ABHD2: variants seen among roughly 807,000 people sequenced by gnomAD.
ABHD2 encodes abhydrolase domain containing 2, acylglycerol lipase.
In ABHD2, 20 loss-of-function variants were observed where a neutral mutation model predicts 48.1. The ratio of observed to expected loss-of-function variants is 0.42; its 90% CI spans 0.29 to 0.60. The LOEUF is 0.60. ABHD2 is among the 20% of genes least tolerant of loss of function. The pLI is 0.24. For missense variants in ABHD2, 405 were observed against 550.9 expected (o/e 0.74, Z 2.65); for synonymous variants, 209 against 214.2 (o/e 0.98, Z 0.21).
Position 89,097,708 on chromosome 15 carries a change from C to G in ABHD2, c.-107+9145C>G, listed in dbSNP as rs574568208. 1.3e-5 allele frequency among the ~76,000 whole-genome samples: 2 copies of G among 152,264 alleles called. No individual in the cohort carries two copies. The highest frequency in any genetic ancestry group is 3.9e-4 in the East Asian group (2 of 5,188). ...TAGTAAAGAGTGGAAAACTTCCTCCCAAGAAGCACTCAATGTTACTAGTAT... is the reference window on the plus strand; with the variant it reads ...TAGTAAAGAGTGGAAAACTTCCTCCGAAGAAGCACTCAATGTTACTAGTAT... On this transcript the variant is annotated intron_variant, in intron 1 of 10. Coordinates refer to ENST00000352732, the MANE Select transcript of ABHD2 (RefSeq NM_152924.5). This position sits in a 1 kb window ranked among gnomAD's most constrained non-coding sequence, Gnocchi z 4.2.
rs2049779330 is a variant in ABHD2 at position 89,106,048 on chromosome 15, T to C, written c.-106-7677T>C. On this transcript the variant is annotated intron_variant, in intron 1 of 10. Coordinates refer to ENST00000352732, the MANE Select transcript of ABHD2 (RefSeq NM_152924.5). This position sits in a 1 kb window ranked among gnomAD's most constrained non-coding sequence, Gnocchi z 4.2. ...CAGAGTATTGGCCAGGTGCAGTAGC[T>C]CACGCCTGTAATTCCAGCACTTTGG... is the stretch of plus-strand genomic sequence containing the variant. Among the ~76,000 whole-genome samples the C allele has an allele frequency of 6.6e-6, 1 of 152,120 alleles. No individual in the cohort carries two copies. Among genetic ancestry groups the C allele is most frequent in the African/African-American group, 2.4e-5 (1 of 41,430 alleles).
At position 89,173,741 on chromosome 15, in the gene ABHD2, A is replaced by G. The variant is rs58621653; in HGVS notation, c.539-2071A>G. Among the ~76,000 whole-genome samples, 514 of 152,216 alleles carry G rather than the reference A, an allele frequency of 3.4e-3. 2 individuals are homozygous for G. Among genetic ancestry groups the G allele is most frequent in the African/African-American group, 0.011 (475 of 41,542 alleles). On this transcript the variant is annotated intron_variant, in intron 5 of 10. Coordinates refer to ENST00000352732, the MANE Select transcript of ABHD2 (RefSeq NM_152924.5). The surrounding 1 kb of genome is among the most constrained non-coding windows in gnomAD (Gnocchi z 6.5). The stretch of plus-strand genomic sequence containing the variant: ...AGGCCTTGTCATCAGAATCCACTCA[A>G]TTCAGCAACTCTTTATTGAAGGCCT...
At chr15:89,064,332 G>T in the ABHD2 span, among the ~76,000 whole-genome samples, 2 of 149,514 alleles carry the variant, frequency 1.3e-5, no homozygotes, top group Non-Finnish European at 3.0e-5. Context: ...CGATTCTCCT[G>T]CCTCAGCCTC....
rs115638294 is a variant in ABHD2, at chr15:89,160,204, G to A, written c.538+4670G>A. Among the ~76,000 whole-genome samples the A allele has an allele frequency of 4.3e-3, 662 of 152,334 alleles. 5 individuals carry two copies. The highest frequency in any genetic ancestry group is 0.015 in the African/African-American group (624 of 41,584). ...ACCAAAGGTGGCCTAACACGTTAGA[G>A]CAAAGCCCGTGTTTGTTACTTTTGA... On this transcript the variant is annotated intron_variant, in intron 5 of 10. Transcript: ENST00000352732.
chr15:89,127,211 C>T (rs1328222216), intron 3 of ABHD2, among the ~76,000 whole-genome samples: 1 of 152,144 alleles, frequency 6.6e-6, no homozygotes, highest in Admixed American at 6.5e-5. Context: ...TTGTGAACCA[C>T]CCTAACTCTA....
chr15:89,173,611 C>G lies in ABHD2; in HGVS notation c.539-2201C>G, dbSNP rs2050963729. Among the ~76,000 whole-genome samples, 1 of 152,190 alleles carries G rather than the reference C, an allele frequency of 6.6e-6. No individual in the cohort carries two copies. Among genetic ancestry groups the G allele is most frequent in the African/African-American group, 2.4e-5 (1 of 41,452 alleles). Reference sequence around the variant, plus strand: ...CAAAAAGAAACTTGAATGAATCTGACTTCGGTGGGGACAACAGTCTGGCAT... The same window carrying G: ...CAAAAAGAAACTTGAATGAATCTGAGTTCGGTGGGGACAACAGTCTGGCAT... On this transcript the variant is annotated intron_variant, in intron 5 of 10. Transcript: ENST00000352732. This position sits in a 1 kb window ranked among gnomAD's most constrained non-coding sequence, Gnocchi z 6.5.
chr15:89,123,522 TAA>T (rs1439758585), intron 3 of ABHD2, among the ~76,000 whole-genome samples: 1 of 152,076 alleles, frequency 6.6e-6, no homozygotes, highest in Non-Finnish European at 1.5e-5. Flanking sequence ...AGGCACTTTT[TAA>T]AAATCAGTTT....
chr15:89,146,347 A>T lies in ABHD2; in HGVS notation c.195-5330A>T, dbSNP rs1168677880. Among the ~76,000 whole-genome samples the T allele has an allele frequency of 1.6e-5, 2 of 128,802 alleles. No homozygotes were observed. Among genetic ancestry groups the T allele is most frequent in the African/African-American group, 6.1e-5 (2 of 32,594 alleles). The allele number at this position is 128,802 out of a possible 152,430, so 84.5% of individuals were successfully genotyped here. ...TGCCTATGTGAGCTTCATCTGCTCA[A>T]AGACGTACGTGTGTGTGTGTGTGTG... is the stretch of plus-strand genomic sequence containing the variant. On this transcript the variant is annotated intron_variant, in intron 3 of 10. Transcript: ENST00000352732. The surrounding 1 kb of genome is among the most constrained non-coding windows in gnomAD (Gnocchi z 4.2).
In ABHD2 at chr15:89,097,185, C is replaced by T. The variant is rs2049626173; in HGVS notation, c.-107+8622C>T. 6.6e-6 allele frequency among the ~76,000 whole-genome samples: 1 copy of T among 152,120 alleles called. No homozygotes were observed. The highest frequency in any genetic ancestry group is 1.5e-5 in the Non-Finnish European group (1 of 68,022). Reference sequence around the variant, plus strand: ...TAATGAACCTCCAAGCCCCACAAAACCCATCCCAGCTTTAACAATAATCAA... The same window carrying T: ...TAATGAACCTCCAAGCCCCACAAAATCCATCCCAGCTTTAACAATAATCAA... On this transcript the variant is annotated intron_variant, in intron 1 of 10. Coordinates refer to ENST00000352732, the MANE Select transcript of ABHD2 (RefSeq NM_152924.5). This position sits in a 1 kb window ranked among gnomAD's most constrained non-coding sequence, Gnocchi z 4.2.
chr15:89,168,342 C>T lies in ABHD2; in HGVS notation c.539-7470C>T, dbSNP rs554419246. ...GATTATATAGTTACCTAGTGCTAATCCCATAAGAATTAAATACATAGAGCC... is the reference window on the plus strand; with the variant it reads ...GATTATATAGTTACCTAGTGCTAATTCCATAAGAATTAAATACATAGAGCC... On this transcript the variant is annotated intron_variant, in intron 5 of 10. Coordinates refer to ENST00000352732, the MANE Select transcript of ABHD2 (RefSeq NM_152924.5). This position sits in a 1 kb window ranked among gnomAD's most constrained non-coding sequence, Gnocchi z 4.8. Among the ~76,000 whole-genome samples, 82 of 152,278 alleles carry T rather than the reference C, an allele frequency of 5.4e-4. No homozygotes were observed. Among genetic ancestry groups the T allele is most frequent in the African/African-American group, 1.9e-3 (81 of 41,556 alleles).
At chr15:89,043,274 G>A in the ABHD2 span, among the ~76,000 whole-genome samples, 1 of 152,162 alleles carries the variant, frequency 6.6e-6, no homozygotes, top group South Asian at 2.1e-4. Flanking sequence ...AAGAGCTGGG[G>A]TTTGGGCTGG....
chr15:89,065,224 A>C, the ABHD2 span, among the ~76,000 whole-genome samples: 1 of 151,966 alleles, frequency 6.6e-6, no homozygotes, highest in East Asian at 1.9e-4. Context: ...CCTCCTTCCT[A>C]CTAGGTTGTT....
chr15:89,055,900 G>T, the ABHD2 span, among the ~76,000 whole-genome samples: 4 of 152,306 alleles, frequency 2.6e-5, no homozygotes, highest in Admixed American at 2.6e-4. Context: ...GTCTCACTCT[G>T]TCATCCAGGC....
Position 89,170,069 on chromosome 15 carries a change from C to G in ABHD2, c.539-5743C>G, listed in dbSNP as rs891316662. On this transcript the variant is annotated intron_variant, in intron 5 of 10. Transcript: ENST00000352732. Reference sequence around the variant, plus strand: ...AAGATGGCTCAGAGCCATTCCATGTCAGATCAGATTCTTTTTTTTTTTTTT... The same window carrying G: ...AAGATGGCTCAGAGCCATTCCATGTGAGATCAGATTCTTTTTTTTTTTTTT... 1.5e-4 allele frequency among the ~76,000 whole-genome samples: 18 copies of G among 122,970 alleles called. 1 individual carries two copies. The Admixed American group carries it at 1.7e-3, about 12-fold the overall frequency. The allele number at this position is 122,970 out of a possible 152,430, so 80.7% of individuals were successfully genotyped here.
intron 1 of ABHD2, among the ~76,000 whole-genome samples, chr15:89,093,301 C>T (rs935958931): frequency 6.6e-6 from 1 of 150,830 alleles, no homozygotes; most frequent in Non-Finnish European, 1.5e-5. Flanking sequence ...CTGCCTCAGC[C>T]TCTCAAGTAG....
the ABHD2 span, among the ~76,000 whole-genome samples, chr15:89,048,793 A>T: frequency 2.5e-3 from 387 of 152,038 alleles, 5 homozygotes; most frequent in African/African-American, 9.0e-3. Context: ...CTAGTTATAC[A>T]TTCTTCTAAA....
rs2050287842 is a variant in ABHD2 at position 89,135,231 on chromosome 15, GA to G, written c.195-16440del. Among the ~76,000 whole-genome samples, 7 of 143,368 alleles carry G rather than the reference GA, an allele frequency of 4.9e-5. No homozygotes were observed. In the South Asian group the frequency reaches 1.5e-3, roughly 31 times the overall value. The allele number at this position is 143,368 out of a possible 152,430, so 94.1% of individuals were successfully genotyped here. On this transcript the variant is annotated intron_variant, in intron 3 of 10. Coordinates refer to ENST00000352732, the MANE Select transcript of ABHD2 (RefSeq NM_152924.5). The stretch of plus-strand genomic sequence containing the variant: ...AGCTGCATCAGAGACAACTGAAGAT[GA>G]AAAAACTACCATCCCCATATATAAC...
Position 89,157,215 on chromosome 15 carries a change from A to G in ABHD2, c.538+1681A>G, listed in dbSNP as rs142658696. Among the ~76,000 whole-genome samples, 77 of 152,354 alleles carry G rather than the reference A, an allele frequency of 5.1e-4. 1 individual carries two copies. The highest frequency in any genetic ancestry group is 1.8e-3 in the African/African-American group (75 of 41,584). On this transcript the variant is annotated intron_variant, in intron 5 of 10. Transcript: ENST00000352732. ...GCTGTAAATACTGTGTCTTGTACAT[A>G]GAATTATTTTCTCTTGAATGACCTT...
At chr15:89,178,954 TAATA>T (rs2051062452) in intron 6 of ABHD2, among the ~76,000 whole-genome samples, 1 of 152,208 alleles carries the variant, frequency 6.6e-6, no homozygotes, top group Non-Finnish European at 1.5e-5. Context: ...TGACCAGTAA[TAATA>T]AAACTAAAAC....
Sources: gnomAD v4.1 joint callset for allele counts (sites outside exome capture counted in the v4.1 genomes callset) on GRCh38, gnomAD v4.1.1 for gene constraint, Gnocchi (gnomAD v3.1) non-coding constraint, MANE v1.5 for transcripts, NCBI Gene and HGNC (gene_info 2026-07-23, HGNC 2026-07-21) for gene names.